The following SEPTIN9 variants were observed in gnomAD, a reference collection of about 807,000 sequenced individuals.
The protein encoded by SEPTIN9 is septin-9.
In SEPTIN9, 13 loss-of-function variants were observed where a neutral mutation model predicts 56.6. The observed-to-expected ratio is 0.23, with a 90% CI of 0.15 to 0.37. SEPTIN9 has a LOEUF of 0.37. Among genes scored for constraint, SEPTIN9 ranks in the 10% least tolerant of loss-of-function variants. The pLI is 1.00. For synonymous variants in SEPTIN9, 332 were observed against 334.1 expected (o/e 0.99, Z 0.07); for missense variants, 650 against 823.1 (o/e 0.79, Z 2.57).
intron 1 of SEPTIN9, 146 bp downstream of exon 1, chr17:77,281,700 G>T (rs1186792912): frequency 8.2e-6 from 6 of 728,554 alleles, no homozygotes; most frequent in Non-Finnish European, 1.3e-5. Context: ...TTCCTCCCAG[G>T]ACAGGGCCGC....
rs2037330319 is a variant in SEPTIN9 at position 77,436,175 on chromosome 17, G to A, written c.721+33472G>A. On this transcript the variant is annotated intron_variant, in intron 3 of 11. Coordinates refer to ENST00000427177, the MANE Select transcript of SEPTIN9 (RefSeq NM_001113491.2). The surrounding 1 kb of genome is among the most constrained non-coding windows in gnomAD (Gnocchi z 4.4). ...CTGCTGGAAGCCAACGTGCACGAAA[G>A]AGTTAATGGTGGATCCCATTTCCTC... Among the ~76,000 whole-genome samples, 1 of 152,192 alleles carries A rather than the reference G, an allele frequency of 6.6e-6. No homozygotes were observed. Among genetic ancestry groups the A allele is most frequent in the Non-Finnish European group, 1.5e-5 (1 of 68,038 alleles).
chr17:77,464,483 T>C (rs950910792), intron 3 of SEPTIN9, among the ~76,000 whole-genome samples: 2 of 152,078 alleles, frequency 1.3e-5, no homozygotes, highest in African/African-American at 4.8e-5. Context: ...AGCTGAACTT[T>C]CTAAAAGGTA....
At chr17:77,472,782 C>T (rs372508606) in intron 3 of SEPTIN9, 6 of 152,326 alleles carry the variant, frequency 3.9e-5, no homozygotes, top group African/African-American at 7.2e-5. Flanking sequence ...TTTGAGGAGA[C>T]GCTTCCTGTC....
At chr17:77,489,450 G>A (rs419126) in intron 7 of SEPTIN9, among the ~76,000 whole-genome samples, 78,894 of 152,006 alleles carry the variant, frequency 0.52, 20,984 homozygotes, top group Middle Eastern at 0.66. Context: ...ATGGCCTCAC[G>A]GACCCTCTGT....
intron 2 of SEPTIN9, among the ~76,000 whole-genome samples, chr17:77,392,389 G>A (rs1309140536): frequency 1.3e-5 from 2 of 152,198 alleles, no homozygotes; most frequent in African/African-American, 2.4e-5. Flanking sequence ...AGTTTTCAGG[G>A]ATACTATTGA....
intron 2 of SEPTIN9, among the ~76,000 whole-genome samples, chr17:77,399,146 C>A (rs188654509): frequency 2.0e-5 from 3 of 152,318 alleles, no homozygotes; most frequent in Admixed American, 1.3e-4. Context: ...TGGAATAAAT[C>A]ATTGCATCCG....
chr17:77,476,368 A>G lies in SEPTIN9; in HGVS notation c.722-5776A>G, dbSNP rs117241283. ...TCTCTGGGCACTGCCTCCCAGCCAG[A>G]TATCCTACAGCCCCCGTCCCAGCCA... On this transcript the variant is annotated intron_variant, in intron 3 of 11. Coordinates refer to ENST00000427177, the MANE Select transcript of SEPTIN9 (RefSeq NM_001113491.2). This position sits in a 1 kb window ranked among gnomAD's most constrained non-coding sequence, Gnocchi z 6.0. Among the ~76,000 whole-genome samples, 1 of 152,144 alleles carries G rather than the reference A, an allele frequency of 6.6e-6. No homozygotes were observed. Among genetic ancestry groups the G allele is most frequent in the Non-Finnish European group, 1.5e-5 (1 of 68,034 alleles).
At chr17:77,486,487 G>GGTGTGTGTGTGTGT (rs773025304) in intron 4 of SEPTIN9, among the ~76,000 whole-genome samples, 4 of 143,642 alleles carry the variant, frequency 2.8e-5, no homozygotes, top group Admixed American at 6.8e-5. Context: ...AGTCTGGAGG[G>GGTGTGTGTGTGTGT]GTGTGTGTGT....
rs1189342046 is a variant in SEPTIN9, at chr17:77,453,566, C to T, written c.722-28578C>T. Among the ~76,000 whole-genome samples, 1 of 150,522 alleles carries T rather than the reference C, an allele frequency of 6.6e-6. No homozygotes were observed. The highest frequency in any genetic ancestry group is 1.5e-5 in the Non-Finnish European group (1 of 67,840). On this transcript the variant is annotated intron_variant, in intron 3 of 11. Transcript: ENST00000427177. This position sits in a 1 kb window ranked among gnomAD's most constrained non-coding sequence, Gnocchi z 4.4. The stretch of plus-strand genomic sequence containing the variant: ...GTTGCAGTGAGCTGAGATTGTGCTA[C>T]TGCACTCCAGTCTGGGCAACAAGAG...
intron 3 of SEPTIN9, among the ~76,000 whole-genome samples, chr17:77,406,392 G>A (rs2036074335): frequency 6.6e-6 from 1 of 151,700 alleles, no homozygotes. Context: ...CAAATACCTC[G>A]TGTTTGGCTT....
chr17:77,432,589 C>T (rs901993762), intron 3 of SEPTIN9, among the ~76,000 whole-genome samples: 2 of 152,208 alleles, frequency 1.3e-5, no homozygotes, highest in Admixed American at 6.5e-5. Flanking sequence ...CCAGCTTAAC[C>T]CTTCCGTGCT....
chr17:77,357,822 A>G (rs1260232066), intron 2 of SEPTIN9, among the ~76,000 whole-genome samples: 1 of 152,034 alleles, frequency 6.6e-6, no homozygotes, highest in African/African-American at 2.4e-5. Flanking sequence ...CCTTGTATTC[A>G]CCCAGGACCA....
rs142166625 is a variant in SEPTIN9 at position 77,367,914 on chromosome 17, C to T, written c.77-34145C>T. On this transcript the variant is annotated intron_variant, in intron 2 of 11. Transcript: ENST00000427177. This position sits in a 1 kb window ranked among gnomAD's most constrained non-coding sequence, Gnocchi z 4.5. The stretch of plus-strand genomic sequence containing the variant: ...CACACCCATGTTTGTAGCAGCTTTA[C>T]TCTCAATTGCTCAAATGTGGAAGGA... Among the ~76,000 whole-genome samples the T allele has an allele frequency of 7.3e-3, 1,113 of 152,318 alleles. 7 individuals are homozygous for T. Among genetic ancestry groups the T allele is most frequent in the Non-Finnish European group, 0.011 (721 of 68,018 alleles).
intron 1 of SEPTIN9, among the ~76,000 whole-genome samples, chr17:77,305,277 C>T (rs573134022): frequency 3.1e-4 from 47 of 152,144 alleles, no homozygotes; most frequent in Admixed American, 7.9e-4. Flanking sequence ...CGCAGCTGTG[C>T]GACCTTGGGC....
chr17:77,419,523 C>G (rs2036622351), intron 3 of SEPTIN9, among the ~76,000 whole-genome samples: 1 of 152,174 alleles, frequency 6.6e-6, no homozygotes, highest in Non-Finnish European at 1.5e-5. Flanking sequence ...ACCTGCGACC[C>G]AGCTGACCCC....
chr17:77,485,997 G>A (rs1382562604), intron 4 of SEPTIN9, among the ~76,000 whole-genome samples: 1 of 151,958 alleles, frequency 6.6e-6, no homozygotes, highest in Non-Finnish European at 1.5e-5. Flanking sequence ...GTGTTTTTTG[G>A]TAGAGACAGG....
chr17:77,497,496 C>T lies in SEPTIN9; in HGVS notation c.1625+130C>T, dbSNP rs1257471479. 5.0e-6 allele frequency: 4 copies of T among 795,424 alleles called. No homozygotes were observed. The African/African-American group carries it at 6.8e-5, about 14-fold the overall frequency. 49.3% of individuals were successfully genotyped at this position (795,424 alleles called of 1,614,324 possible). Reference sequence around the variant, plus strand: ...TGCCCCCTGCCACCTGCCTGCCCTGCCCTCGGGAAGATCTTGGAAGCCCAT... The same window carrying T: ...TGCCCCCTGCCACCTGCCTGCCCTGTCCTCGGGAAGATCTTGGAAGCCCAT... On this transcript the variant is annotated intron_variant, in intron 11 of 11. Coordinates refer to ENST00000427177, the MANE Select transcript of SEPTIN9 (RefSeq NM_001113491.2).
chr17:77,499,112 G>A lies in SEPTIN9; in HGVS notation c.*454G>A, dbSNP rs573267105. 1.8e-3 allele frequency: 950 copies of A among 536,234 alleles called. No individual in the cohort carries two copies. The highest frequency in any genetic ancestry group is 3.1e-3 in the Admixed American group (141 of 45,048). 33.2% of individuals were successfully genotyped at this position (536,234 alleles called of 1,614,324 possible). On this transcript the variant is annotated 3_prime_UTR_variant, in exon 12 of 12. Coordinates refer to ENST00000427177, the MANE Select transcript of SEPTIN9 (RefSeq NM_001113491.2). ...TCCCCTGGAGTGTGTCAGAGCCCAG[G>A]GGAGAATGCAGCCCACCAGGAGCAC...
chr17:77,412,828 A>G (rs186693784), intron 3 of SEPTIN9, among the ~76,000 whole-genome samples: 2 of 152,116 alleles, frequency 1.3e-5, no homozygotes, highest in Non-Finnish European at 2.9e-5. Context: ...TCTTCTACAC[A>G]GAACATTTTA....
Sources: allele counts gnomAD v4.1 joint callset (sites outside exome capture counted in the v4.1 genomes callset), GRCh38; gene constraint gnomAD v4.1.1; non-coding constraint Gnocchi (gnomAD v3.1); transcripts MANE v1.5; gene names NCBI Gene and HGNC (gene_info 2026-07-23, HGNC 2026-07-21).